Variants in ZNF106 observed in about 807,000 individuals in gnomAD.
ZNF106 encodes SH3-domain binding protein 3.
In ZNF106, 67 loss-of-function variants were observed where a neutral mutation model predicts 195.1. The observed-to-expected ratio is 0.34, with a 90% CI of 0.28 to 0.42. The LOEUF is 0.42. Among genes scored for constraint, ZNF106 ranks in the 10% least tolerant of loss-of-function variants. The pLI, the probability that ZNF106 is intolerant of heterozygous loss-of-function variation, is 1.00. For synonymous variants in ZNF106, 784 were observed against 818.6 expected (o/e 0.96, Z 0.72); for missense variants, 2,118 against 2,304.5 (o/e 0.92, Z 1.66).
At chr15:42,434,935 G>A (rs1395550436) in intron 14 of ZNF106, among the ~76,000 whole-genome samples, 1 of 152,080 alleles carries the variant, frequency 6.6e-6, no homozygotes, top group South Asian at 2.1e-4. Flanking sequence ...CACCATGCCT[G>A]GCTAATTTTG....
rs960847503 is a variant in ZNF106, at chr15:42,483,625, C to T, written c.-33+7355G>A. ...CTCACTATTAAAAGCCCTTCAAAGG[C>T]ATCTAATTATGTAAGATATAAATCA... is the stretch of plus-strand genomic sequence containing the variant. On this transcript the variant is annotated intron_variant, in intron 1 of 21. Transcript: ENST00000564754. Among the ~76,000 whole-genome samples, 3 of 152,202 alleles carry T rather than the reference C, an allele frequency of 2.0e-5. No homozygotes were observed. In the East Asian group the frequency reaches 5.8e-4, roughly 29 times the overall value.
chr15:42,474,531 A>G (rs2056747105), intron 1 of ZNF106, among the ~76,000 whole-genome samples: 1 of 152,028 alleles, frequency 6.6e-6, no homozygotes, highest in African/African-American at 2.4e-5. Context: ...GGCTGAGGTG[A>G]TAGGATCACT....
chr15:42,456,581 G>A lies in ZNF106; in HGVS notation c.317+377C>T, dbSNP rs148865304. Among the ~76,000 whole-genome samples, 1,050 of 151,828 alleles carry A rather than the reference G, an allele frequency of 6.9e-3. 12 individuals carry two copies. Among genetic ancestry groups the A allele is most frequent in the African/African-American group, 0.024 (1,012 of 41,352 alleles). ...GCAGGAGAATTGCTTGAACCCAGAAGGCAGAGGTTACAGTGAGCCAAGATC... is the reference window on the plus strand; with the variant it reads ...GCAGGAGAATTGCTTGAACCCAGAAAGCAGAGGTTACAGTGAGCCAAGATC... On this transcript the variant is annotated intron_variant, in intron 4 of 21. Coordinates refer to ENST00000564754, the MANE Select transcript of ZNF106 (RefSeq NM_001366845.3).
At chr15:42,489,095 C>CA (rs748878183) in intron 1 of ZNF106, among the ~76,000 whole-genome samples, 57 of 127,006 alleles carry the variant, frequency 4.5e-4, no homozygotes, top group African/African-American at 2.2e-3. Context: ...AAAAAAACAA[C>CA]ACACACACAC....
At chr15:42,429,158 G>A (rs1266740930) in intron 14 of ZNF106, among the ~76,000 whole-genome samples, 1 of 151,608 alleles carries the variant, frequency 6.6e-6, no homozygotes, top group Non-Finnish European at 1.5e-5. Context: ...ATTTGTTGTT[G>A]AGGCCGGACA....
At chr15:42,455,890 T>C (rs1466706009) in intron 4 of ZNF106, among the ~76,000 whole-genome samples, 1 of 152,202 alleles carries the variant, frequency 6.6e-6, no homozygotes, top group Non-Finnish European at 1.5e-5. Context: ...TCCCTCACAT[T>C]GAAAATTTCT....
In ZNF106 at chr15:42,450,861, G is replaced by T; in HGVS notation, c.1411C>A (p.Pro471Thr). The change falls in exon 5 of 22, where the codon CCA (proline) becomes ACA (threonine). Residue 471 changes from proline (P) to threonine (T), a missense_variant. By Grantham distance (38) the Pro-to-Thr change is conservative. Coordinates refer to ENST00000564754, the MANE Select transcript of ZNF106 (RefSeq NM_001366845.3). ...PEQEHTPNKM[P>T]SLKSPLLPCP... The stretch of plus-strand genomic sequence containing the variant: ...GGAAGGAGTGGGGATTTCAATGATG[G>T]CATTTTATTTGGTGTATGCTCTTGT... The T allele has an allele frequency of 2.5e-6, 4 of 1,614,148 alleles. No individual in the cohort carries two copies. Among genetic ancestry groups the T allele is most frequent in the Non-Finnish European group, 3.4e-6 (4 of 1,180,018 alleles).
chr15:42,487,290 T>C (rs951979625), intron 1 of ZNF106, among the ~76,000 whole-genome samples: 3 of 151,990 alleles, frequency 2.0e-5, no homozygotes, highest in Admixed American at 2.0e-4. Flanking sequence ...AACACCATTC[T>C]GGGTGACACA....
At chr15:42,433,955 C>T (rs372738286) in intron 14 of ZNF106, among the ~76,000 whole-genome samples, 2 of 151,754 alleles carry the variant, frequency 1.3e-5, no homozygotes, top group South Asian at 2.1e-4. Context: ...CTCAAGTGAT[C>T]CTCCCACCTC....
intron 15 of ZNF106, chr15:42,425,532 C>T (rs542297575): frequency 1.7e-3 from 267 of 154,658 alleles, no homozygotes; most frequent in Admixed American, 3.6e-3. Context: ...GACGGAGTCT[C>T]GCTCTGTCGC....
chr15:42,488,393 G>A (rs1157174657), intron 1 of ZNF106, among the ~76,000 whole-genome samples: 1 of 152,046 alleles, frequency 6.6e-6, no homozygotes, highest in African/African-American at 2.4e-5. Context: ...CTTCACTGAT[G>A]AAGACCTGGG....
chr15:42,468,156 A>G (rs1595487166), intron 2 of ZNF106, among the ~76,000 whole-genome samples: 1 of 148,170 alleles, frequency 6.7e-6, no homozygotes, highest in South Asian at 2.1e-4. Flanking sequence ...GCTCACGACA[A>G]CCTCTGCCTC....
At position 42,441,039 on chromosome 15, in the gene ZNF106, A is replaced by G. The variant is rs1391249331; in HGVS notation, c.3763+1034T>C. Among the ~76,000 whole-genome samples the G allele has an allele frequency of 1.8e-5, 2 of 112,894 alleles. 1 individual carries two copies. The highest frequency in any genetic ancestry group is 3.6e-5 in the Non-Finnish European group (2 of 55,186). The allele number at this position is 112,894 out of a possible 152,430, so 74.1% of individuals were successfully genotyped here. On this transcript the variant is annotated intron_variant, in intron 10 of 21. Transcript: ENST00000564754. ...TATATATATATATATATATATATAT[A>G]TATATATATGCTAAGTCACGCGCAG...
intron 4 of ZNF106, among the ~76,000 whole-genome samples, chr15:42,454,436 G>A (rs1247636964): frequency 2.0e-5 from 3 of 151,990 alleles, no homozygotes; most frequent in Non-Finnish European, 2.9e-5. Flanking sequence ...GGAGAACTGG[G>A]GGATAAATAA....
chr15:42,464,248 G>T (rs1489986752), intron 3 of ZNF106, among the ~76,000 whole-genome samples: 1 of 147,786 alleles, frequency 6.8e-6, no homozygotes, highest in Non-Finnish European at 1.5e-5. Flanking sequence ...GGTGAAGCAG[G>T]AGAATCGCTT....
Position 42,450,098 on chromosome 15 carries a change from T to G in ZNF106, c.2174A>C (p.Glu725Ala). ...EGFESASLDA[E>A]LQKSDISQPS... is the part of the protein sequence containing the mutation. ...CTGACTGATGTCACTTTTTTGAAGC[T>G]CTGCATCCAAGCTAGCACTCTCAAA... Residue 725 changes from glutamate (E) to alanine (A), a missense_variant, in exon 5 of 22, where the codon GAG (glutamate) becomes GCG (alanine). Physicochemically the swap from Glu to Ala is moderately radical, Grantham distance 107. Transcript: ENST00000564754. The G allele has an allele frequency of 6.2e-7, 1 of 1,614,186 alleles. No homozygotes were observed. Among genetic ancestry groups the G allele is most frequent in the Non-Finnish European group, 8.5e-7 (1 of 1,180,034 alleles).
At position 42,439,077 on chromosome 15, in the gene ZNF106, A is replaced by G. The variant is rs759208808; in HGVS notation, c.4500T>C (p.Ser1500=). 4 of 1,614,134 alleles carry G rather than the reference A, an allele frequency of 2.5e-6. No individual in the cohort carries two copies. Among genetic ancestry groups the G allele is most frequent in the Non-Finnish European group, 3.4e-6 (4 of 1,179,974 alleles). Residue 1500 remains serine, a synonymous_variant, in exon 11 of 22, where the codon TCT becomes TCC. Coordinates refer to ENST00000564754, the MANE Select transcript of ZNF106 (RefSeq NM_001366845.3). ...TATAGCGAGTGCCAATTTCACTGGTAGAGCTAACTTCATCACACCCAGAAC... is the reference window on the plus strand; with the variant it reads ...TATAGCGAGTGCCAATTTCACTGGTGGAGCTAACTTCATCACACCCAGAAC... ...TSRSGCDEVS[S]TSEIGTRYKD...
chr15:42,475,780 T>C (rs1265276700), intron 1 of ZNF106, among the ~76,000 whole-genome samples: 1 of 152,208 alleles, frequency 6.6e-6, no homozygotes, highest in Non-Finnish European at 1.5e-5. Flanking sequence ...TTGGTAAAGA[T>C]ACGTCCAGAA....
At chr15:42,468,070 T>C (rs899171377) in intron 2 of ZNF106, among the ~76,000 whole-genome samples, 1 of 118,072 alleles carries the variant, frequency 8.5e-6, no homozygotes, top group Non-Finnish European at 1.6e-5. Flanking sequence ...CAAAACGCCT[T>C]TTTTTTTTTT....
Sources: allele counts gnomAD v4.1 joint callset (sites outside exome capture counted in the v4.1 genomes callset), GRCh38; gene constraint gnomAD v4.1.1; transcripts MANE v1.5; gene names NCBI Gene and HGNC (gene_info 2026-07-23, HGNC 2026-07-21).